The following FOXP2 variants were observed in gnomAD, a reference collection of about 807,000 sequenced individuals.
FOXP2 encodes forkhead box protein P2.
A neutral mutation model predicts 115.8 loss-of-function variants in FOXP2; 12 were observed. The observed-to-expected ratio is 0.10, with a 90% CI of 0.07 to 0.17. The LOEUF (loss-of-function observed/expected upper bound fraction) is 0.17. Ranked by LOEUF, FOXP2 falls within the 10% of genes least tolerant of loss-of-function variation. The pLI is 1.00. For missense variants in FOXP2, 629 were observed against 843.5 expected (o/e 0.75, Z 3.15); for synonymous variants, 328 against 297.7 (o/e 1.10, Z -1.05).
intron 2 of FOXP2, among the ~76,000 whole-genome samples, chr7:114,374,101 A>C (rs1792081024): frequency 6.6e-6 from 1 of 152,208 alleles, no homozygotes; most frequent in Admixed American, 6.5e-5. Context: ...CAGAATCATT[A>C]GTCTAGAAAA....
At chr7:114,251,685 T>TTCGGC in intron 1 of FOXP2, among the ~76,000 whole-genome samples, 1 of 152,214 alleles carries the variant, frequency 6.6e-6, no homozygotes, top group African/African-American at 2.4e-5. Flanking sequence ...TAAGGAGATT[T>TTCGGC]TGAGCTGTAA....
chr7:114,272,520 A>G (rs1181040823), intron 1 of FOXP2, among the ~76,000 whole-genome samples: 1 of 151,768 alleles, frequency 6.6e-6, no homozygotes, highest in Admixed American at 6.6e-5. Context: ...GGTGCTTTCT[A>G]TTTTGGGAGG....
At chr7:114,162,885 A>G (rs1792879557), upstream of FOXP2, 1 of 151,908 alleles carries the variant, frequency 6.6e-6, no homozygotes, top group Non-Finnish European at 1.5e-5. Context: ...CCAGTACAGT[A>G]AGAAAAAAAA....
At chr7:114,419,159 A>G (rs914818174) in intron 1 of FOXP2, among the ~76,000 whole-genome samples, 3 of 151,962 alleles carry the variant, frequency 2.0e-5, no homozygotes, top group Non-Finnish European at 2.9e-5. Flanking sequence ...ATATGCATGT[A>G]TATACATATG....
At position 114,343,880 on chromosome 7, in the gene FOXP2, A is replaced by G. The variant is rs183528159; in HGVS notation, c.-11+55771A>G. ...TTCTAACCATTCTATTTATCCGCAA[A>G]TATTCTATATAATTTACTCATTTAT... On this transcript the variant is annotated intron_variant, in intron 2 of 17. Transcript: ENST00000634411. Among the ~76,000 whole-genome samples the G allele has an allele frequency of 3.3e-5, 5 of 151,668 alleles. No homozygotes were observed. The East Asian group carries it at 9.7e-4, about 29-fold the overall frequency.
chr7:114,512,273 G>A (rs188428819), intron 2 of FOXP2, among the ~76,000 whole-genome samples: 215 of 152,318 alleles, frequency 1.4e-3, no homozygotes, highest in Non-Finnish European at 2.4e-3. Context: ...CTAACAGGCA[G>A]TCCCTCATTT....
chr7:114,342,751 C>A (rs574940478), intron 2 of FOXP2, among the ~76,000 whole-genome samples: 141 of 151,574 alleles, frequency 9.3e-4, no homozygotes, highest in Non-Finnish European at 1.7e-3. Flanking sequence ...TTCATCTCCT[C>A]TATGCCAATA....
chr7:114,557,335 G>GT (rs1377590719), intron 3 of FOXP2, among the ~76,000 whole-genome samples: 1 of 152,128 alleles, frequency 6.6e-6, no homozygotes, highest in Non-Finnish European at 1.5e-5. Context: ...TGCAAATGTA[G>GT]TTTTACATCT....
intron 2 of FOXP2, among the ~76,000 whole-genome samples, chr7:114,383,922 C>T (rs1360236058): frequency 1.3e-5 from 2 of 152,186 alleles, no homozygotes; most frequent in African/African-American, 4.8e-5. Flanking sequence ...CTCTGCTTAT[C>T]AGATTAGTGA....
At chr7:114,149,602 A>T (rs941955234) in intron 1 of FOXP2, among the ~76,000 whole-genome samples, 1 of 149,282 alleles carries the variant, frequency 6.7e-6, no homozygotes, top group African/African-American at 2.5e-5. Flanking sequence ...CCCATTTAAC[A>T]TTTTTTTTTT....
chr7:114,628,394 A>C, intron 3 of FOXP2, 146 bp from the exon 4 acceptor site: 1 of 1,068,332 alleles, frequency 9.4e-7, no homozygotes, highest in Non-Finnish European at 1.4e-6. Flanking sequence ...GTACTATTGT[A>C]AAGAAGTTAT....
chr7:114,192,797 T>G (rs1339668461), intron 1 of FOXP2, among the ~76,000 whole-genome samples: 5 of 152,202 alleles, frequency 3.3e-5, no homozygotes, highest in Non-Finnish European at 7.4e-5. Context: ...AAGAAAGTAC[T>G]GTATACATTT....
At chr7:114,126,577 G>A (rs1056444171) in intron 1 of FOXP2, among the ~76,000 whole-genome samples, 5 of 152,052 alleles carry the variant, frequency 3.3e-5, no homozygotes, top group Non-Finnish European at 7.4e-5. Context: ...TGACATGTGG[G>A]TATATGCAAA....
chr7:114,346,884 G>GT (rs920460871), intron 2 of FOXP2, among the ~76,000 whole-genome samples: 4 of 151,818 alleles, frequency 2.6e-5, no homozygotes, highest in African/African-American at 9.7e-5. Context: ...GTACTGTAGG[G>GT]TGAGTGGAAG....
intron 1 of FOXP2, among the ~76,000 whole-genome samples, chr7:114,163,985 TAA>T (rs1792905597): frequency 2.0e-5 from 3 of 152,328 alleles, no homozygotes; most frequent in Admixed American, 6.5e-5. Context: ...GAAAACTTAA[TAA>T]AGTTGACTAC....
intron 16 of FOXP2, chr7:114,667,143 G>T (rs1470745677): frequency 3.3e-5 from 5 of 152,142 alleles, no homozygotes; most frequent in Non-Finnish European, 5.9e-5. Context: ...ACAACATGAG[G>T]CCAGGCATGG....
intron 16 of FOXP2, chr7:114,666,489 C>A (rs912270550): frequency 1.3e-5 from 2 of 151,970 alleles, no homozygotes; most frequent in African/African-American, 4.8e-5. Flanking sequence ...TTTTATTAGG[C>A]AAAGGAAGAA....
intron 2 of FOXP2, among the ~76,000 whole-genome samples, chr7:114,432,118 A>C (rs1794138392): frequency 6.6e-6 from 1 of 151,980 alleles, no homozygotes; most frequent in Non-Finnish European, 1.5e-5. Flanking sequence ...AGTATGCAAC[A>C]TTTATTGTAT....
chr7:114,685,337 T>C (rs1808305670), intron 16 of FOXP2, among the ~76,000 whole-genome samples: 1 of 152,178 alleles, frequency 6.6e-6, no homozygotes, highest in Admixed American at 6.6e-5. Context: ...TGGGGGCCTA[T>C]GGTTTTATTT....
Sources: gnomAD v4.1 joint callset for allele counts (sites outside exome capture counted in the v4.1 genomes callset) on GRCh38, gnomAD v4.1.1 for gene constraint, MANE v1.5 for transcripts, NCBI Gene and HGNC (gene_info 2026-07-23, HGNC 2026-07-21) for gene names.